SSBP2: variants seen among roughly 807,000 people sequenced by gnomAD.
SSBP2 encodes the protein single-stranded DNA-binding protein 2.
In SSBP2, 17 loss-of-function variants were observed where a neutral mutation model predicts 61.8. That is an observed-to-expected ratio of 0.28 (90% CI 0.19 to 0.41). SSBP2 has a LOEUF of 0.41. Among genes scored for constraint, SSBP2 ranks in the 10% least tolerant of loss-of-function variants. SSBP2 has a pLI of 1.00. For synonymous variants in SSBP2, 139 were observed against 141.3 expected, an observed-to-expected ratio of 0.98 and a Z score of 0.12; for missense variants, 310 against 458.7, an observed-to-expected ratio of 0.68 and a Z score of 2.96.
chr5:81,579,571 T>G (rs1172297289), intron 4 of SSBP2, among the ~76,000 whole-genome samples: 1 of 152,176 alleles, frequency 6.6e-6, no homozygotes, highest in Non-Finnish European at 1.5e-5. Context: ...GTTTTGAATT[T>G]TAATCTTAGC....
At chr5:81,505,075 G>A (rs538449633) in intron 5 of SSBP2, among the ~76,000 whole-genome samples, 58 of 152,284 alleles carry the variant, frequency 3.8e-4, no homozygotes, top group African/African-American at 1.4e-3. Flanking sequence ...TCTCTCATAG[G>A]CTACCTTTTA....
chr5:81,551,698 G>A (rs1772204341), intron 4 of SSBP2, among the ~76,000 whole-genome samples: 1 of 152,046 alleles, frequency 6.6e-6, no homozygotes, highest in African/African-American at 2.4e-5. Flanking sequence ...TGTTGGTCAC[G>A]TGACATTTAG....
chr5:81,722,704 G>A (rs1250216400), intron 1 of SSBP2, among the ~76,000 whole-genome samples: 1 of 151,916 alleles, frequency 6.6e-6, no homozygotes, highest in East Asian at 1.9e-4. Context: ...TCACATGGTT[G>A]TTTTAAGTAT....
At chr5:81,681,143 G>A (rs1752349040) in intron 1 of SSBP2, among the ~76,000 whole-genome samples, 1 of 152,090 alleles carries the variant, frequency 6.6e-6, no homozygotes, top group Non-Finnish European at 1.5e-5. Flanking sequence ...AAAATATTTG[G>A]AGGTTAAACA....
At chr5:81,672,741 T>G (rs1290798694) in intron 1 of SSBP2, among the ~76,000 whole-genome samples, 1 of 151,712 alleles carries the variant, frequency 6.6e-6, no homozygotes, top group African/African-American at 2.4e-5. Context: ...CCAGCTAATT[T>G]TTTTGTATTT....
chr5:81,428,698 TAGA>T lies in SSBP2; in HGVS notation c.958-18_958-16del. On this transcript the variant is annotated splice_polypyrimidine_tract_variant and intron_variant, in intron 15 of 16. Coordinates refer to ENST00000320672, the MANE Select transcript of SSBP2 (RefSeq NM_012446.5). ...TTGGGAGAATTCTGTAAACAAGATTTAGAAAACAAGGCATTGTTGAAAATTTTA... is the reference window on the plus strand; with the variant it reads ...TTGGGAGAATTCTGTAAACAAGATTTAAACAAGGCATTGTTGAAAATTTTA... The T allele has an allele frequency of 6.3e-7, 1 of 1,598,646 alleles. No individual in the cohort carries two copies. The highest frequency in any genetic ancestry group is 8.6e-7 in the Non-Finnish European group (1 of 1,167,076).
intron 15 of SSBP2, among the ~76,000 whole-genome samples, chr5:81,432,605 G>A (rs1477729320): frequency 6.6e-6 from 1 of 152,114 alleles, no homozygotes. Context: ...AATTAGCCGG[G>A]TATGGTGGTG....
rs1352622548 is a variant in SSBP2, at chr5:81,415,130, A to T, written c.*5374T>A. ...GCTCCTCATAGCAAACAATAAACTT[A>T]TTCCACCAGGAGGGAAAAACAGAAA... On this transcript the variant is annotated 3_prime_UTR_variant, in exon 17 of 17. Transcript: ENST00000320672. The T allele has an allele frequency of 1.3e-5, 2 of 152,238 alleles. No individual in the cohort carries two copies. Among genetic ancestry groups the T allele is most frequent in the Admixed American group, 6.5e-5 (1 of 15,282 alleles). 9.4% of individuals were successfully genotyped at this position (152,238 alleles called of 1,614,324 possible). A position where few individuals can be genotyped will look rare whatever the true frequency, so the allele number is the denominator to read the frequency against.
intron 1 of SSBP2, among the ~76,000 whole-genome samples, chr5:81,736,499 G>A (rs1225624475): frequency 1.3e-5 from 2 of 152,100 alleles, no homozygotes; most frequent in African/African-American, 2.4e-5. Flanking sequence ...GAATTTAAAA[G>A]GGTGCTTTTT....
intron 4 of SSBP2, among the ~76,000 whole-genome samples, chr5:81,581,833 A>G (rs910727324): frequency 6.6e-6 from 1 of 152,232 alleles, no homozygotes; most frequent in Non-Finnish European, 1.5e-5. Flanking sequence ...AATTGCTTCA[A>G]AAAGAAATGT....
At chr5:81,659,642 T>C (rs1348556905) in intron 1 of SSBP2, among the ~76,000 whole-genome samples, 1 of 152,164 alleles carries the variant, frequency 6.6e-6, no homozygotes, top group East Asian at 1.9e-4. Context: ...ATTGACTTTC[T>C]TCACAGAACT....
At chr5:81,682,779 A>G in intron 1 of SSBP2, among the ~76,000 whole-genome samples, 1 of 152,164 alleles carries the variant, frequency 6.6e-6, no homozygotes, top group East Asian at 1.9e-4. Flanking sequence ...AGAATAAACA[A>G]AAAAACACCC....
chr5:81,415,922 A>AAAAAAGAAAAAAAAAAAGAAAAG lies in SSBP2; in HGVS notation c.*4581_*4582insCTTTTCTTTTTTTTTTTCTTTTT, dbSNP rs1554059159. 1.4e-5 allele frequency: 1 copy of AAAAAAGAAAAAAAAAAAGAAAAG among 73,744 alleles called. No homozygotes were observed. The highest frequency in any genetic ancestry group is 2.3e-5 in the Non-Finnish European group (1 of 43,590). The allele number at this position is 73,744 out of a possible 1,614,324, so 4.6% of individuals were successfully genotyped here. A position where few individuals can be genotyped will look rare whatever the true frequency, so the allele number is the denominator to read the frequency against. On this transcript the variant is annotated 3_prime_UTR_variant, in exon 17 of 17. Coordinates refer to ENST00000320672, the MANE Select transcript of SSBP2 (RefSeq NM_012446.5). Reference sequence around the variant, plus strand: ...GCAAGATTCTGACTCAAAAAAAAAAAAAAAAAAGAGGAAAACCTGATCAAG... The same window carrying AAAAAAGAAAAAAAAAAAGAAAAG: ...GCAAGATTCTGACTCAAAAAAAAAAAAAAAAGAAAAAAAAAAAGAAAAGAAAAAAAGAGGAAAACCTGATCAAG...
At chr5:81,443,271 CA>C (rs1285011875) in intron 12 of SSBP2, 1 of 152,110 alleles carries the variant, frequency 6.6e-6, no homozygotes, top group African/African-American at 2.4e-5. Context: ...CTTCTTCCAG[CA>C]CAACTTCTGA....
intron 6 of SSBP2, among the ~76,000 whole-genome samples, chr5:81,488,684 C>T (rs1766620094): frequency 6.7e-6 from 1 of 148,542 alleles, no homozygotes; most frequent in Admixed American, 6.7e-5. Flanking sequence ...GGTATATCTC[C>T]TAATGCTATC....
chr5:81,590,812 G>A (rs1472956770), intron 4 of SSBP2, among the ~76,000 whole-genome samples: 2 of 152,164 alleles, frequency 1.3e-5, no homozygotes, highest in Non-Finnish European at 2.9e-5. Flanking sequence ...GGTAATATAG[G>A]TTAAGATCCA....
chr5:81,424,195 G>A (rs1355664044), intron 16 of SSBP2, among the ~76,000 whole-genome samples: 2 of 152,056 alleles, frequency 1.3e-5, no homozygotes, highest in East Asian at 3.9e-4. Context: ...GGAGGCCGAG[G>A]TGGGTGGATC....
At chr5:81,433,315 C>T (rs888529528) in intron 15 of SSBP2, among the ~76,000 whole-genome samples, 3 of 151,998 alleles carry the variant, frequency 2.0e-5, no homozygotes, top group African/African-American at 7.3e-5. Flanking sequence ...TACCCCCAAC[C>T]CTGTGCTCTC....
intron 4 of SSBP2, among the ~76,000 whole-genome samples, chr5:81,613,025 A>C (rs1745608801): frequency 6.6e-6 from 1 of 152,140 alleles, no homozygotes; most frequent in African/African-American, 2.4e-5. Flanking sequence ...AAAAGAAATT[A>C]ATGTATTTTT....
Sources: gnomAD v4.1 joint callset for allele counts (sites outside exome capture counted in the v4.1 genomes callset) on GRCh38, gnomAD v4.1.1 for gene constraint, MANE v1.5 for transcripts, NCBI Gene and HGNC (gene_info 2026-07-23, HGNC 2026-07-21) for gene names.